NCKAP5: variants seen among roughly 807,000 people sequenced by gnomAD.
The protein encoded by NCKAP5 is nck-associated protein 5.
Under a neutral mutation model 167.0 loss-of-function variants are expected in NCKAP5, and 92 were observed. That is an observed-to-expected ratio of 0.55 (90% CI 0.47 to 0.66). NCKAP5 has a LOEUF of 0.66. NCKAP5 is among the 30% of genes least tolerant of loss of function. The pLI is 0.00. For missense variants in NCKAP5, 2,378 were observed against 2,315.0 expected, an observed-to-expected ratio of 1.03 and a Z score of -0.56; for synonymous variants, 891 against 877.4, an observed-to-expected ratio of 1.02 and a Z score of -0.27.
At position 132,801,791 on chromosome 2, in the gene NCKAP5, G is replaced by A. The variant is rs1685059808; in HGVS notation, c.808-5062C>T. 1.3e-5 allele frequency among the ~76,000 whole-genome samples: 2 copies of A among 152,322 alleles called. 1 individual carries two copies. The highest frequency in any genetic ancestry group is 4.1e-4 in the South Asian group (2 of 4,824). ...AGTTCTGCATCTGTAATTCAAGGCA[G>A]AGAAATGTCCCCCTCAACAGACTGT... On this transcript the variant is annotated intron_variant, in intron 11 of 19. Transcript: ENST00000409261.
At chr2:132,932,649 T>C (rs1696478440) in intron 8 of NCKAP5, among the ~76,000 whole-genome samples, 1 of 152,172 alleles carries the variant, frequency 6.6e-6, no homozygotes, top group Non-Finnish European at 1.5e-5. Flanking sequence ...TTCTTGTGTC[T>C]GAGTCTATGC....
intron 4 of NCKAP5, among the ~76,000 whole-genome samples, chr2:133,258,749 T>TAAA (rs1222395264): frequency 7.1e-6 from 1 of 140,466 alleles, no homozygotes. Flanking sequence ...CTGTCTCAAT[T>TAAA]AAAAAAAAAA....
chr2:132,819,592 C>G (rs1686554100), intron 11 of NCKAP5, among the ~76,000 whole-genome samples: 1 of 152,014 alleles, frequency 6.6e-6, no homozygotes, highest in Non-Finnish European at 1.5e-5. Context: ...AAGCAAAGAG[C>G]TGTCCTTCTA....
chr2:132,796,352 A>C (rs547846448), intron 12 of NCKAP5, among the ~76,000 whole-genome samples: 1 of 152,300 alleles, frequency 6.6e-6, no homozygotes, highest in East Asian at 1.9e-4. Context: ...CTCCTTGACC[A>C]TTTCTCAGAG....
At chr2:133,384,870 T>C (rs1366897891) in intron 3 of NCKAP5, among the ~76,000 whole-genome samples, 5 of 152,228 alleles carry the variant, frequency 3.3e-5, no homozygotes, top group Non-Finnish European at 7.3e-5. Context: ...TGTATAATAA[T>C]GCTTGTGATT....
chr2:132,720,060 T>G (rs1165972987), intron 19 of NCKAP5, among the ~76,000 whole-genome samples: 1 of 152,142 alleles, frequency 6.6e-6, no homozygotes, highest in Non-Finnish European at 1.5e-5. Context: ...AGACTCCCCT[T>G]TCTCCCTTCA....
intron 3 of NCKAP5, among the ~76,000 whole-genome samples, chr2:133,371,486 G>C (rs1014253481): frequency 1.6e-4 from 25 of 152,130 alleles, no homozygotes; most frequent in Admixed American, 6.6e-5. Flanking sequence ...GGCACCCAGG[G>C]GCATGGAGAG....
chr2:133,647,209 T>C, the NCKAP5 span, among the ~76,000 whole-genome samples: 52 of 151,918 alleles, frequency 3.4e-4, no homozygotes, highest in Admixed American at 1.4e-3. Context: ...TGGTTGTGCA[T>C]ATCTGCAGTC....
Position 132,966,131 on chromosome 2 carries a change from G to A in NCKAP5, c.430-2262C>T, listed in dbSNP as rs550214534. On this transcript the variant is annotated intron_variant, in intron 7 of 19. Coordinates refer to ENST00000409261, the MANE Select transcript of NCKAP5 (RefSeq NM_207363.3). ...CCTTTATTTTTGGAAATGGAGACTC[G>A]CTCTGTTACCCAGGCTGGAGTGCAG... Among the ~76,000 whole-genome samples the A allele has an allele frequency of 2.8e-4, 43 of 152,168 alleles. No individual in the cohort carries two copies. The East Asian group carries it at 3.3e-3, about 12-fold the overall frequency.
rs2081389485 is a variant in NCKAP5, at chr2:133,097,832, C to A, written c.341+32146G>T. ...ATATGCTGTGGCTAGCTTCATTTATCTGGGGACTTGTCCTCAGAGCTTGTG... is the reference window on the plus strand; with the variant it reads ...ATATGCTGTGGCTAGCTTCATTTATATGGGGACTTGTCCTCAGAGCTTGTG... On this transcript the variant is annotated intron_variant, in intron 6 of 19. Coordinates refer to ENST00000409261, the MANE Select transcript of NCKAP5 (RefSeq NM_207363.3). 5.3e-5 allele frequency among the ~76,000 whole-genome samples: 8 copies of A among 152,140 alleles called. 1 individual carries two copies. Among genetic ancestry groups the A allele is most frequent in the Admixed American group, 5.2e-4 (8 of 15,276 alleles).
At chr2:133,475,456 A>G (rs889398274) in intron 3 of NCKAP5, among the ~76,000 whole-genome samples, 6 of 152,200 alleles carry the variant, frequency 3.9e-5, no homozygotes, top group African/African-American at 1.4e-4. Context: ...ACCCACAACT[A>G]AAGGCTCAAG....
At chr2:132,909,906 T>C (rs1694310727) in intron 8 of NCKAP5, among the ~76,000 whole-genome samples, 1 of 152,220 alleles carries the variant, frequency 6.6e-6, no homozygotes, top group African/African-American at 2.4e-5. Context: ...TGATAGGACT[T>C]GCTAAATGCT....
chr2:132,783,339 G>C lies in NCKAP5; in HGVS notation c.3472C>G (p.Gln1158Glu). 1 of 1,613,688 alleles carries C rather than the reference G, an allele frequency of 6.2e-7. No individual in the cohort carries two copies. The highest frequency in any genetic ancestry group is 8.5e-7 in the Non-Finnish European group (1 of 1,179,776). Residue 1158 changes from glutamine to glutamate, a missense_variant, in exon 14 of 20, where the codon CAG (glutamine) becomes GAG (glutamate). This residue lies in a region of NCKAP5 where 1,325 missense variants were observed against 1,274.5 expected (regional missense o/e 1.04). Coordinates refer to ENST00000409261, the MANE Select transcript of NCKAP5 (RefSeq NM_207363.3). ...ACGGTGGAACTTTTCCTGAGCAGCT[G>C]GGGAGACTTCATGAGCACTTTGAGT... ...VGLKVLMKSPQLLRKSSTVPG... is the reference protein window; with the variant it reads ...VGLKVLMKSPELLRKSSTVPG...
chr2:133,022,885 C>T (rs1277215465), intron 6 of NCKAP5, among the ~76,000 whole-genome samples: 5 of 152,212 alleles, frequency 3.3e-5, no homozygotes, highest in African/African-American at 1.2e-4. Context: ...CACTAGCAAA[C>T]TCTGTATTAC....
intron 3 of NCKAP5, among the ~76,000 whole-genome samples, chr2:133,492,170 T>TGTGTGTGTGTGTGTGTGTGTGTGTGTG (rs1559524824): frequency 3.5e-4 from 53 of 151,458 alleles, no homozygotes; most frequent in South Asian, 6.3e-4. Context: ...TGTGTGTGTG[T>TGTGTGTGTGTGTGTGTGTGTGTGTGTG]TAAGGTCTAT....
intron 3 of NCKAP5, among the ~76,000 whole-genome samples, chr2:133,495,595 A>T (rs976786361): frequency 1.3e-5 from 2 of 152,192 alleles, no homozygotes; most frequent in African/African-American, 4.8e-5. Context: ...CATGACAGCC[A>T]GTTTTTGAAG....
chr2:132,996,173 G>T (rs2077593435), intron 6 of NCKAP5, among the ~76,000 whole-genome samples: 1 of 152,070 alleles, frequency 6.6e-6, no homozygotes, highest in African/African-American at 2.4e-5. Flanking sequence ...ACATGAATGT[G>T]CTTCCTAGTA....
chr2:133,368,056 C>T (rs1016821501), intron 3 of NCKAP5, among the ~76,000 whole-genome samples: 1 of 152,134 alleles, frequency 6.6e-6, no homozygotes, highest in Admixed American at 6.6e-5. Context: ...AAATTCAAAG[C>T]TCCATACAGA....
chr2:132,841,523 G>A (rs928863660), intron 11 of NCKAP5, among the ~76,000 whole-genome samples: 5 of 151,926 alleles, frequency 3.3e-5, no homozygotes, highest in African/African-American at 7.3e-5. Flanking sequence ...TCATTTTCAC[G>A]TCTTATTACC....
Sources: gnomAD v4.1 joint callset for allele counts (sites outside exome capture counted in the v4.1 genomes callset) on GRCh38, gnomAD v4.1.1 for gene constraint, gnomAD v4.1.1 regional missense constraint, MANE v1.5 for transcripts, NCBI Gene and HGNC (gene_info 2026-07-23, HGNC 2026-07-21) for gene names.